FGD1: variants seen among roughly 807,000 people sequenced by gnomAD.
The protein encoded by FGD1 is FYVE, RhoGEF and PH domain containing 1.
Under a neutral mutation model 65.0 loss-of-function variants are expected in FGD1, and 12 were observed. That is an observed-to-expected ratio of 0.18 (90% CI 0.12 to 0.30). FGD1 has a LOEUF of 0.30. Among genes scored for constraint, FGD1 ranks in the 10% least tolerant of loss-of-function variants. FGD1 has a pLI of 1.00. For missense variants in FGD1, 542 were observed against 837.6 expected, an observed-to-expected ratio of 0.65 and a Z score of 4.36; for synonymous variants, 333 against 343.9, an observed-to-expected ratio of 0.97 and a Z score of 0.35.
chrX:54,459,549 A>G (rs1922580778), intron 8 of FGD1, among the ~76,000 whole-genome samples: 1 of 110,740 alleles, frequency 9.0e-6, no homozygotes, highest in African/African-American at 3.3e-5. Context: ...GAAAGTAGAA[A>G]GTGGGCAAGT....
Position 54,496,027 on chromosome X carries a change from T to A in FGD1, c.-595A>T, listed in dbSNP as rs1477782255. Reference sequence around the variant, plus strand: ...CGGGGGCGCGCGTGTGCGCTGCGCTTGGGCTGCGGGGCTCGCCTTCAGCCA... The same window carrying A: ...CGGGGGCGCGCGTGTGCGCTGCGCTAGGGCTGCGGGGCTCGCCTTCAGCCA... On this transcript the variant is annotated 5_prime_UTR_variant, in exon 1 of 18. Coordinates refer to ENST00000375135, the MANE Select transcript of FGD1 (RefSeq NM_004463.3). 1 of 112,424 alleles carries A rather than the reference T, an allele frequency of 8.9e-6. No individual in the cohort carries two copies. The highest frequency in any genetic ancestry group is 1.9e-5 in the Non-Finnish European group (1 of 53,120). The allele number at this position is 112,424 out of a possible 1,213,427, so 9.3% of individuals were successfully genotyped here. A position where few individuals can be genotyped will look rare whatever the true frequency, so the allele number is the denominator to read the frequency against.
intron 6 of FGD1, among the ~76,000 whole-genome samples, chrX:54,467,552 C>T (rs1426381775): frequency 9.0e-6 from 1 of 110,735 alleles, no homozygotes; most frequent in African/African-American, 3.3e-5. Context: ...GGCAGGGTTT[C>T]GCCATGTTGG....
chrX:54,448,890 A>T lies in FGD1; in HGVS notation c.2352T>A (p.Asp784Glu), dbSNP rs762003845. 9.9e-6 allele frequency: 12 copies of T among 1,210,377 alleles called. No individual in the cohort carries two copies. The highest frequency in any genetic ancestry group is 1.3e-5 in the Non-Finnish European group (12 of 895,189). ...GCACCCCGTGCAAGGCCACATAGCA[A>T]TCAGTGCACACACGGTTGGAGCGGT... The part of the protein sequence containing the change: ...DNNRSNRVCT[D>E]CYVALHGVPG... Residue 784 changes from aspartate (D) to glutamate (E), a missense_variant, in exon 16 of 18, where the codon GAT becomes GAA. Physicochemically the swap from Asp to Glu is conservative, Grantham distance 45. Transcript: ENST00000375135.
Position 54,495,120 on chromosome X carries a change from A to G in FGD1, c.307+6T>C. On this transcript the variant is annotated splice_donor_region_variant and intron_variant, in intron 1 of 17. Transcript: ENST00000375135. Reference sequence around the variant, plus strand: ...GGCTCCCATGCTCTCTCAGTCGCTCACTCACCAGGCCGAGGCTGCGAGCCC... The same window carrying G: ...GGCTCCCATGCTCTCTCAGTCGCTCGCTCACCAGGCCGAGGCTGCGAGCCC... 8.5e-7 allele frequency: 1 copy of G among 1,176,131 alleles called. No individual in the cohort carries two copies. Among genetic ancestry groups the G allele is most frequent in the Non-Finnish European group, 1.1e-6 (1 of 878,824 alleles).
intron 1 of FGD1, among the ~76,000 whole-genome samples, chrX:54,477,885 C>T (rs1254829089): frequency 5.4e-5 from 6 of 110,459 alleles, no homozygotes; most frequent in South Asian, 3.9e-4. Context: ...TTTAGGAGGC[C>T]GAGGTGGGTA....
rs1923539690 is a variant in FGD1 at position 54,496,140 on chromosome X, G to C, written c.-708C>G. 1 of 109,735 alleles carries C rather than the reference G, an allele frequency of 9.1e-6. No individual in the cohort carries two copies. The highest frequency in any genetic ancestry group is 1.9e-5 in the Non-Finnish European group (1 of 52,177). 9.0% of individuals were successfully genotyped at this position (109,735 alleles called of 1,213,427 possible). The stretch of plus-strand genomic sequence containing the variant: ...CCTCCCCAGCTTCAGCCTGGGTCTC[G>C]GCGGCGGCGGGCGGGAAGGAGCCCT... On this transcript the variant is annotated 5_prime_UTR_variant, in exon 1 of 18. Transcript: ENST00000375135.
chrX:54,478,026 G>A (rs1478524105), intron 1 of FGD1, among the ~76,000 whole-genome samples: 1 of 110,753 alleles, frequency 9.0e-6, no homozygotes, highest in African/African-American at 3.3e-5. Flanking sequence ...GCTGAGGCAG[G>A]AGAATGGCTT....
rs1487932063 is a variant in FGD1, at chrX:54,470,299, C to T, written c.818G>A (p.Arg273Gln). The T allele has an allele frequency of 8.3e-6, 10 of 1,204,724 alleles. No homozygotes were observed. Among genetic ancestry groups the T allele is most frequent in the Middle Eastern group, 2.3e-4 (1 of 4,363 alleles). Residue 273 changes from arginine (R) to glutamine (Q), a missense_variant, in exon 4 of 18, where the codon CGG (arginine) becomes CAG (glutamine). Arg to Gln is a conservative substitution (Grantham distance 43). Coordinates refer to ENST00000375135, the MANE Select transcript of FGD1 (RefSeq NM_004463.3). ...RCLFLLAPGP[R>Q]DGEKVPNRDS... ...CCGGTTGGGCACCTTCTCACCGTCC[C>T]GGGGCCCAGGAGCCAGCAGAAACAG...
intron 10 of FGD1, 30 bp downstream of exon 10, chrX:54,456,190 C>T (rs1040143249): frequency 1.7e-6 from 2 of 1,206,752 alleles, no homozygotes; most frequent in Middle Eastern, 2.3e-4. Context: ...AGGGGCATGA[C>T]CCACCCACAA....
intron 1 of FGD1, among the ~76,000 whole-genome samples, chrX:54,472,404 C>T (rs781672355): frequency 8.0e-5 from 9 of 111,958 alleles, no homozygotes; most frequent in African/African-American, 2.3e-4. Context: ...CACACACACA[C>T]GTGCAACATC....
At chrX:54,474,949 A>T (rs1168893699) in intron 1 of FGD1, among the ~76,000 whole-genome samples, 1 of 112,464 alleles carries the variant, frequency 8.9e-6, no homozygotes, top group African/African-American at 3.2e-5. Context: ...TCTCTGGGCA[A>T]GCCCTCCCTA....
chrX:54,482,247 C>T (rs1323708010), intron 1 of FGD1, among the ~76,000 whole-genome samples: 1 of 111,662 alleles, frequency 9.0e-6, no homozygotes, highest in Non-Finnish European at 1.9e-5. Flanking sequence ...CACACACACA[C>T]ACACACACAC....
At chrX:54,485,781 T>C (rs1195194508) in intron 1 of FGD1, among the ~76,000 whole-genome samples, 1 of 54,637 alleles carries the variant, frequency 1.8e-5, no homozygotes, top group Non-Finnish European at 2.6e-5. Flanking sequence ...TCAAATATGC[T>C]TTTTTTTTTT....
rs748050057 is a variant in FGD1 at position 54,483,166 on chromosome X, C to CAG, written c.308-11681_308-11680dup. On this transcript the variant is annotated intron_variant, in intron 1 of 17. Coordinates refer to ENST00000375135, the MANE Select transcript of FGD1 (RefSeq NM_004463.3). ...AACAGAGATCCCTGAGGGAATTCTCCAGAGAGAGAGAAGCAGTCAGCAAGC... is the reference window on the plus strand; with the variant it reads ...AACAGAGATCCCTGAGGGAATTCTCCAGAGAGAGAGAGAAGCAGTCAGCAAGC... Among the ~76,000 whole-genome samples, 5 of 111,605 alleles carry CAG rather than the reference C, an allele frequency of 4.5e-5. No homozygotes were observed. The East Asian group carries it at 8.6e-4, about 19-fold the overall frequency.
chrX:54,470,708 C>CCCA lies in FGD1; in HGVS notation c.533_534insTGG (p.Glu178delinsAspGly). The CCCA allele has an allele frequency of 2.2e-6, 2 of 913,017 alleles. No individual in the cohort carries two copies. The highest frequency in any genetic ancestry group is 3.0e-6 in the Non-Finnish European group (2 of 675,555). 75.2% of individuals were successfully genotyped at this position (913,017 alleles called of 1,213,427 possible). On this transcript the variant is annotated protein_altering_variant, in exon 3 of 18. Coordinates refer to ENST00000375135, the MANE Select transcript of FGD1 (RefSeq NM_004463.3). ...GGCGTGATGGTGGAGGGGGGATGGG[C>CCCA]TCCAGTGGGGGGGGCATCCGGGGCA...
intron 1 of FGD1, among the ~76,000 whole-genome samples, chrX:54,482,236 G>GCACACACACACACACACA (rs759070309): frequency 0.015 from 1,488 of 99,355 alleles, 23 homozygotes; most frequent in African/African-American, 0.046. Flanking sequence ...GCACACGCGC[G>GCACACACACACACACACA]CACACACACA....
intron 1 of FGD1, among the ~76,000 whole-genome samples, chrX:54,478,010 C>T (rs897102754): frequency 5.7e-4 from 63 of 109,634 alleles, no homozygotes; most frequent in Middle Eastern, 4.6e-3. Context: ...CTCAGCTACT[C>T]GGGAGGCTGA....
intron 4 of FGD1, 43 bp from the exon 5 acceptor site, chrX:54,468,919 C>A (rs374656308): frequency 1.0e-6 from 1 of 988,134 alleles, no homozygotes; most frequent in African/African-American, 1.9e-5. Context: ...CATCCTCTAT[C>A]GTAACCCTCA....
rs1445772652 is a variant in FGD1 at position 54,470,659 on chromosome X, C to A, written c.583G>T (p.Ala195Ser). The change falls in exon 3 of 18, where the codon GCC becomes TCC. Residue 195 changes from alanine to serine, a missense_variant. By Grantham distance (99) the Ala-to-Ser change is moderately conservative. This residue lies in a region of FGD1 where 297 missense variants were observed against 326.8 expected (regional missense o/e 0.91). Coordinates refer to ENST00000375135, the MANE Select transcript of FGD1 (RefSeq NM_004463.3). ...SRPLPADPRV[A>S]KGLAPRAEAS... Reference sequence around the variant, plus strand: ...TCTGCCCTGGGAGCCAGGCCCTTGGCCACTCGGGGGTCGGCAGGCAGTGGG... The same window carrying A: ...TCTGCCCTGGGAGCCAGGCCCTTGGACACTCGGGGGTCGGCAGGCAGTGGG... The A allele has an allele frequency of 8.4e-7, 1 of 1,189,579 alleles. No individual in the cohort carries two copies.
Sources: allele counts gnomAD v4.1 joint callset (sites outside exome capture counted in the v4.1 genomes callset), GRCh38; gene constraint gnomAD v4.1.1; regional missense constraint gnomAD v4.1.1; transcripts MANE v1.5; gene names NCBI Gene and HGNC (gene_info 2026-07-23, HGNC 2026-07-21).